Variants in WDR7 observed in about 807,000 individuals in gnomAD.
WDR7 encodes WD repeat-containing protein 7.
WDR7 carries 46 observed loss-of-function variants against 169.4 expected under a neutral mutation model. That is an observed-to-expected ratio of 0.27 (90% confidence interval 0.21 to 0.35). WDR7 has a LOEUF of 0.35. Ranked by LOEUF, WDR7 falls within the 10% of genes least tolerant of loss-of-function variation. The probability of loss-of-function intolerance (pLI) is 1.00; values close to 1 mark genes in which losing one functional copy is unlikely to be tolerated. For missense variants in WDR7, 1,534 were observed against 1,859.3 expected, an observed-to-expected ratio of 0.83 and a Z score of 3.22; for synonymous variants, 612 against 666.8, an observed-to-expected ratio of 0.92 and a Z score of 1.27.
At chr18:56,813,688 A>G (rs2044914947) in intron 19 of WDR7, among the ~76,000 whole-genome samples, 1 of 151,722 alleles carries the variant, frequency 6.6e-6, no homozygotes, top group Non-Finnish European at 1.5e-5. Flanking sequence ...TTTTGTTATG[A>G]ATTCTGGAGA....
At chr18:57,013,922 G>C (rs906710442) in intron 26 of WDR7, among the ~76,000 whole-genome samples, 3 of 152,172 alleles carry the variant, frequency 2.0e-5, no homozygotes, top group African/African-American at 7.2e-5. Context: ...GTGATCATCA[G>C]CCACAATTGC....
chr18:57,001,368 GT>G (rs966485456), intron 26 of WDR7, among the ~76,000 whole-genome samples: 3 of 151,908 alleles, frequency 2.0e-5, no homozygotes, highest in African/African-American at 7.3e-5. Context: ...AGCACTGTCG[GT>G]TGAGACCTGA....
intron 14 of WDR7, among the ~76,000 whole-genome samples, chr18:56,752,424 CCTT>C (rs1315201277): frequency 6.6e-6 from 1 of 152,092 alleles, no homozygotes. Flanking sequence ...CATTGCGTCC[CCTT>C]CTTGTGCCTT....
intron 22 of WDR7, among the ~76,000 whole-genome samples, chr18:56,934,851 A>C (rs2046936514): frequency 6.6e-6 from 1 of 152,176 alleles, no homozygotes; most frequent in Non-Finnish European, 1.5e-5. Flanking sequence ...TAAATTTAAA[A>C]ATATTTAACT....
At chr18:56,907,047 C>T (rs4303627) in intron 21 of WDR7, among the ~76,000 whole-genome samples, 305 of 152,198 alleles carry the variant, frequency 2.0e-3, no homozygotes, top group African/African-American at 6.8e-3. Flanking sequence ...CCCTCTGGGC[C>T]GGATTATCTG....
chr18:56,691,091 A>G (rs2025558398), intron 7 of WDR7, 125 bp from the exon 8 acceptor site: 1 of 1,346,276 alleles, frequency 7.4e-7, no homozygotes, highest in Non-Finnish European at 1.0e-6. Flanking sequence ...AACTTTCTTT[A>G]TCTGATGCAG....
chr18:56,710,246 G>A (rs8096402), intron 12 of WDR7, among the ~76,000 whole-genome samples: 110,106 of 151,758 alleles, frequency 0.73, 44,084 homozygotes, highest in East Asian at 0.96. Flanking sequence ...CTTGTGATCC[G>A]CCTGCCTCAG....
intron 20 of WDR7, among the ~76,000 whole-genome samples, chr18:56,858,674 C>G (rs2045757974): frequency 6.6e-6 from 1 of 152,072 alleles, no homozygotes; most frequent in African/African-American, 2.4e-5. Flanking sequence ...TATCTTGGGC[C>G]AAATTAAACT....
chr18:56,891,463 A>C (rs2046262898), intron 21 of WDR7, among the ~76,000 whole-genome samples: 1 of 152,130 alleles, frequency 6.6e-6, no homozygotes, highest in African/African-American at 2.4e-5. Context: ...CTGACATATA[A>C]GTACTTATAA....
chr18:56,712,457 A>G (rs2026107139), intron 12 of WDR7, among the ~76,000 whole-genome samples: 1 of 152,240 alleles, frequency 6.6e-6, no homozygotes, highest in Admixed American at 6.5e-5. Flanking sequence ...GAAAAATAAT[A>G]ATTGACCTAA....
At chr18:56,853,150 A>G (rs920336085) in intron 20 of WDR7, among the ~76,000 whole-genome samples, 2 of 152,238 alleles carry the variant, frequency 1.3e-5, no homozygotes, top group Non-Finnish European at 2.9e-5. Context: ...CAGAAACTTT[A>G]GAAAACAGAA....
chr18:56,888,446 G>C (rs989884457), intron 21 of WDR7, among the ~76,000 whole-genome samples: 1 of 152,118 alleles, frequency 6.6e-6, no homozygotes, highest in Non-Finnish European at 1.5e-5. Flanking sequence ...AACTTCTTTT[G>C]GTCCAAATAG....
chr18:56,783,817 G>C (rs976417787), intron 19 of WDR7, among the ~76,000 whole-genome samples: 12 of 152,164 alleles, frequency 7.9e-5, no homozygotes, highest in African/African-American at 2.7e-4. Flanking sequence ...GATGCCATTA[G>C]CAATTGTAGT....
intron 9 of WDR7, 35 bp from the exon 10 acceptor site, chr18:56,694,584 T>C: frequency 1.3e-6 from 2 of 1,570,270 alleles, no homozygotes; most frequent in South Asian, 1.2e-5. Context: ...TGATTAAAAA[T>C]ACAGCTAAAG....
chr18:56,752,111 A>C (rs1293428051), intron 14 of WDR7, among the ~76,000 whole-genome samples: 1 of 152,148 alleles, frequency 6.6e-6, no homozygotes, highest in Non-Finnish European at 1.5e-5. Context: ...TGCTCATTAG[A>C]TTCTGACGCG....
intron 6 of WDR7, 35 bp from the exon 7 acceptor site, chr18:56,686,820 G>A (rs775317884): frequency 2.8e-5 from 41 of 1,462,958 alleles, no homozygotes; most frequent in Non-Finnish European, 2.8e-6. Context: ...TGACAATCAT[G>A]CTATTCCTAA....
rs1164012920 is a variant in WDR7 at position 57,000,129 on chromosome 18, G to A, written c.4165-20616G>A. On this transcript the variant is annotated intron_variant, in intron 26 of 27. Coordinates refer to ENST00000254442, the MANE Select transcript of WDR7 (RefSeq NM_015285.3). ...AAGAGCTCTAGTATGGAAACATTCA[G>A]GGAGAATGTCAGTAAACCAAAATCC... 2.0e-5 allele frequency among the ~76,000 whole-genome samples: 3 copies of A among 152,174 alleles called. No homozygotes were observed. The East Asian group carries it at 5.8e-4, about 29-fold the overall frequency.
At chr18:56,967,240 G>A (rs1174183142) in intron 26 of WDR7, among the ~76,000 whole-genome samples, 5 of 152,002 alleles carry the variant, frequency 3.3e-5, no homozygotes. Context: ...TTTCCTTTCT[G>A]CAGGCTGTTC....
intron 20 of WDR7, among the ~76,000 whole-genome samples, chr18:56,871,480 A>G (rs955929216): frequency 1.3e-5 from 2 of 152,168 alleles, no homozygotes; most frequent in Non-Finnish European, 2.9e-5. Context: ...ATGTCTTATT[A>G]AATGCAAATT....
Sources: allele counts gnomAD v4.1 joint callset (sites outside exome capture counted in the v4.1 genomes callset), GRCh38; gene constraint gnomAD v4.1.1; transcripts MANE v1.5; gene names NCBI Gene and HGNC (gene_info 2026-07-23, HGNC 2026-07-21).